Variants in EPB41 observed in about 807,000 individuals in gnomAD.
EPB41 encodes the protein protein 4.1.
A neutral mutation model predicts 108.0 loss-of-function variants in EPB41; 65 were observed. The observed-to-expected ratio is 0.60, with a 90% CI of 0.49 to 0.74. EPB41 has a LOEUF of 0.74. Among genes scored for constraint, EPB41 ranks in the 30% least tolerant of loss-of-function variants. The pLI, the probability that EPB41 is intolerant of heterozygous loss-of-function variation, is 0.00. For missense variants in EPB41, 875 were observed against 1,037.0 expected (o/e 0.84, Z 2.15); for synonymous variants, 336 against 358.9 (o/e 0.94, Z 0.72).
chr1:28,926,050 A>G (rs1368405386), intron 1 of EPB41, among the ~76,000 whole-genome samples: 1 of 151,284 alleles, frequency 6.6e-6, no homozygotes, highest in Non-Finnish European at 1.5e-5. Context: ...CCTTGTCTCA[A>G]AAAAAAATTA....
rs371110131 is a variant in EPB41 at position 29,109,322 on chromosome 1, G to A, written c.2314-14G>A. ...CCTGAGAGGCATGATGATGAGCCAT[G>A]CTTTCTTCTGCAGACTGACGACAAC... On this transcript the variant is annotated splice_polypyrimidine_tract_variant and intron_variant, in intron 17 of 20. Coordinates refer to ENST00000343067, the MANE Select transcript of EPB41 (RefSeq NM_001376013.1). 6 of 1,608,650 alleles carry A rather than the reference G, an allele frequency of 3.7e-6. No individual in the cohort carries two copies. In the African/African-American group the frequency reaches 6.7e-5, roughly 18 times the overall value.
intron 16 of EPB41, among the ~76,000 whole-genome samples, chr1:29,076,868 C>T (rs762519176): frequency 1.5e-4 from 23 of 152,108 alleles, no homozygotes; most frequent in Non-Finnish European, 2.6e-4. Flanking sequence ...GATCACACAA[C>T]TTCTCTCCAG....
At chr1:28,986,656 G>A (rs892457384) in intron 1 of EPB41, among the ~76,000 whole-genome samples, 1 of 152,144 alleles carries the variant, frequency 6.6e-6, no homozygotes, top group African/African-American at 2.4e-5. Context: ...CTGGCCGGGT[G>A]CGGTAGTTCA....
At chr1:29,024,205 C>T (rs375782648) in intron 7 of EPB41, among the ~76,000 whole-genome samples, 56 of 151,688 alleles carry the variant, frequency 3.7e-4, no homozygotes, top group East Asian at 2.5e-3. Context: ...CATGGTGGCG[C>T]GCACCTGTAG....
chr1:29,048,093 T>C (rs1270438474), intron 11 of EPB41, among the ~76,000 whole-genome samples: 1 of 152,062 alleles, frequency 6.6e-6, no homozygotes, highest in Non-Finnish European at 1.5e-5. Flanking sequence ...TGGCTGACAA[T>C]TTATAATTGT....
chr1:28,939,106 A>T (rs774415739), intron 1 of EPB41, among the ~76,000 whole-genome samples: 1 of 152,218 alleles, frequency 6.6e-6, no homozygotes, highest in African/African-American at 2.4e-5. Context: ...ATGTTGTTAC[A>T]GGATGTATTG....
chr1:29,054,549 A>T (rs1056341206), intron 12 of EPB41: 4 of 150,982 alleles, frequency 2.6e-5, no homozygotes, highest in African/African-American at 9.7e-5. Flanking sequence ...AAAAAAAAAA[A>T]AAAAAAAAAA....
chr1:28,951,455 T>C (rs1177220707), intron 1 of EPB41, among the ~76,000 whole-genome samples: 2 of 149,710 alleles, frequency 1.3e-5, no homozygotes, highest in African/African-American at 4.9e-5. Flanking sequence ...AGTAATGGAG[T>C]AGAAGCAAAT....
At chr1:28,919,557 G>T (rs376383047) in intron 1 of EPB41, among the ~76,000 whole-genome samples, 3 of 151,794 alleles carry the variant, frequency 2.0e-5, no homozygotes, top group African/African-American at 7.3e-5. Context: ...TCTGCCTCCC[G>T]GGTTCAAGCG....
chr1:28,937,884 C>T (rs1190580238), intron 1 of EPB41, among the ~76,000 whole-genome samples: 1 of 152,190 alleles, frequency 6.6e-6, no homozygotes, highest in Non-Finnish European at 1.5e-5. Context: ...TGAGGTGAGA[C>T]AGGGGTCTGT....
chr1:28,894,755 C>T (rs2090484284), intron 1 of EPB41, among the ~76,000 whole-genome samples: 1 of 152,182 alleles, frequency 6.6e-6, no homozygotes, highest in African/African-American at 2.4e-5. Context: ...TATCACAACA[C>T]TTTCCCCGCA....
At chr1:28,991,914 T>A (rs2149588312) in intron 2 of EPB41, among the ~76,000 whole-genome samples, 1 of 152,238 alleles carries the variant, frequency 6.6e-6, no homozygotes, top group South Asian at 2.1e-4. Flanking sequence ...TTGAGTTAGT[T>A]CACATAAGTA....
chr1:28,979,255 T>C (rs1194927583), intron 1 of EPB41, among the ~76,000 whole-genome samples: 2 of 151,592 alleles, frequency 1.3e-5, no homozygotes, highest in Non-Finnish European at 2.9e-5. Flanking sequence ...TTAACTGCAA[T>C]GGCCAAGCAA....
chr1:28,916,988 A>G (rs2092720429), intron 1 of EPB41, among the ~76,000 whole-genome samples: 1 of 151,762 alleles, frequency 6.6e-6, no homozygotes, highest in Admixed American at 6.6e-5. Context: ...AGACAGTCTC[A>G]CTATGTTGCC....
At chr1:29,022,723 A>G (rs1449937636) in intron 7 of EPB41, among the ~76,000 whole-genome samples, 1 of 151,750 alleles carries the variant, frequency 6.6e-6, no homozygotes, top group East Asian at 1.9e-4. Context: ...CTCCATCTCA[A>G]AAAAAAAGAA....
chr1:28,905,716 T>C (rs367817499), intron 1 of EPB41, among the ~76,000 whole-genome samples: 62 of 152,020 alleles, frequency 4.1e-4, no homozygotes, highest in African/African-American at 1.4e-3. Context: ...TGATGAAGGG[T>C]GGGTGACTTG....
intron 4 of EPB41, among the ~76,000 whole-genome samples, chr1:29,000,151 T>C (rs1257567170): frequency 6.6e-6 from 1 of 151,846 alleles, no homozygotes; most frequent in Non-Finnish European, 1.5e-5. Flanking sequence ...CAGTATGGAG[T>C]GCAATGGTGT....
chr1:29,094,526 C>T (rs1162028379), intron 16 of EPB41, among the ~76,000 whole-genome samples: 1 of 152,174 alleles, frequency 6.6e-6, no homozygotes, highest in East Asian at 1.9e-4. Flanking sequence ...TCTGTGCCTG[C>T]CTCAGCCTCC....
Position 29,093,733 on chromosome 1 carries a change from C to T in EPB41, c.2185-4074C>T, listed in dbSNP as rs151134656. 2.9e-3 allele frequency among the ~76,000 whole-genome samples: 448 copies of T among 152,180 alleles called. 5 individuals carry two copies. The highest frequency in any genetic ancestry group is 9.7e-3 in the African/African-American group (401 of 41,508). ...CAGCCTGACCAACATGGTGAAACTC[C>T]GTCTCTACTAAAAACACAAAAATTA... On this transcript the variant is annotated intron_variant, in intron 16 of 20. Transcript: ENST00000343067.
Sources: gnomAD v4.1 joint callset for allele counts (sites outside exome capture counted in the v4.1 genomes callset) on GRCh38, gnomAD v4.1.1 for gene constraint, MANE v1.5 for transcripts, NCBI Gene and HGNC (gene_info 2026-07-23, HGNC 2026-07-21) for gene names.